Variants in DCC observed in about 807,000 individuals in gnomAD.
The protein encoded by DCC is netrin receptor DCC.
A neutral mutation model predicts 172.5 loss-of-function variants in DCC; 58 were observed. The ratio of observed to expected loss-of-function variants is 0.34; its 90% CI spans 0.27 to 0.42. The LOEUF is 0.42. Among genes scored for constraint, DCC ranks in the 10% least tolerant of loss-of-function variants. The pLI, the probability that DCC is intolerant of heterozygous loss-of-function variation, is 1.00. For missense variants in DCC, 1,740 were observed against 1,791.0 expected (o/e 0.97, Z 0.51); for synonymous variants, 709 against 644.5 (o/e 1.10, Z -1.52).
At chr18:53,277,193 G>A (rs1021694283) in intron 12 of DCC, among the ~76,000 whole-genome samples, 2 of 152,086 alleles carry the variant, frequency 1.3e-5, no homozygotes, top group Non-Finnish European at 2.9e-5. Flanking sequence ...AACAGGGCCA[G>A]GCACGATAGC....
chr18:53,041,645 A>T (rs2042170295), intron 5 of DCC, among the ~76,000 whole-genome samples: 1 of 152,084 alleles, frequency 6.6e-6, no homozygotes, highest in Non-Finnish European at 1.5e-5. Context: ...TCTATCCATG[A>T]GCATGGACTA....
At chr18:53,443,352 C>G (rs1235086261) in intron 22 of DCC, among the ~76,000 whole-genome samples, 1 of 152,148 alleles carries the variant, frequency 6.6e-6, no homozygotes, top group East Asian at 1.9e-4. Flanking sequence ...AATGGTGCAA[C>G]AAAGTCTGGT....
intron 14 of DCC, among the ~76,000 whole-genome samples, chr18:53,330,764 C>A (rs1271054999): frequency 6.6e-6 from 1 of 152,170 alleles, no homozygotes; most frequent in Admixed American, 6.5e-5. Context: ...ATATTTCACA[C>A]CTGCTTGTCC....
At chr18:52,445,661 G>C (rs2144504478) in intron 1 of DCC, among the ~76,000 whole-genome samples, 1 of 152,248 alleles carries the variant, frequency 6.6e-6, no homozygotes, top group East Asian at 1.9e-4. Flanking sequence ...TATGTAAGCT[G>C]GGGATTTTTC....
chr18:52,788,851 A>G (rs2037709404), intron 2 of DCC, among the ~76,000 whole-genome samples: 1 of 152,160 alleles, frequency 6.6e-6, no homozygotes, highest in African/African-American at 2.4e-5. Context: ...TGGATCCCCA[A>G]AAGGAGGGAG....
chr18:52,849,785 T>C (rs1275845770), intron 2 of DCC, among the ~76,000 whole-genome samples: 2 of 152,188 alleles, frequency 1.3e-5, no homozygotes, highest in Admixed American at 1.3e-4. Flanking sequence ...CATAGATTTC[T>C]TATGTACTAG....
At chr18:53,082,220 A>G (rs9949928) in intron 7 of DCC, among the ~76,000 whole-genome samples, 103,328 of 151,956 alleles carry the variant, frequency 0.68, 36,711 homozygotes, top group African/African-American at 0.87. Flanking sequence ...AAAAGAGAAA[A>G]CATTAAATAT....
At chr18:52,469,586 G>T (rs1343062869) in intron 1 of DCC, among the ~76,000 whole-genome samples, 2 of 152,158 alleles carry the variant, frequency 1.3e-5, no homozygotes, top group Non-Finnish European at 2.9e-5. Context: ...GATAATCACA[G>T]AAATAATTAC....
At chr18:52,701,964 G>A (rs1432590798) in intron 1 of DCC, among the ~76,000 whole-genome samples, 1 of 152,114 alleles carries the variant, frequency 6.6e-6, no homozygotes, top group Non-Finnish European at 1.5e-5. Flanking sequence ...AAACAACCTT[G>A]ATGTTACCAT....
intron 5 of DCC, among the ~76,000 whole-genome samples, chr18:52,932,101 T>C (rs926595708): frequency 1.3e-5 from 2 of 152,106 alleles, no homozygotes; most frequent in African/African-American, 4.8e-5. Flanking sequence ...TCTTGGAATA[T>C]TGTTGTCAAC....
intron 7 of DCC, among the ~76,000 whole-genome samples, chr18:53,137,488 TCTG>T (rs1266701680): frequency 2.0e-5 from 3 of 152,220 alleles, no homozygotes; most frequent in Non-Finnish European, 4.4e-5. Context: ...CTTCTTTCAG[TCTG>T]CTATGACATA....
At chr18:52,714,495 G>C (rs1272795279) in intron 1 of DCC, among the ~76,000 whole-genome samples, 1 of 152,110 alleles carries the variant, frequency 6.6e-6, no homozygotes, top group Non-Finnish European at 1.5e-5. Flanking sequence ...AAGAAACACA[G>C]AACATAGGTA....
intron 15 of DCC, among the ~76,000 whole-genome samples, chr18:53,376,274 C>T (rs756254358): frequency 5.9e-5 from 9 of 151,978 alleles, no homozygotes; most frequent in Non-Finnish European, 1.3e-4. Context: ...CTCCCAGCTA[C>T]TCGGGAGACT....
chr18:52,362,254 C>A (rs1984650561), intron 1 of DCC, among the ~76,000 whole-genome samples: 1 of 152,204 alleles, frequency 6.6e-6, no homozygotes, highest in African/African-American at 2.4e-5. Flanking sequence ...TATGTTAGCT[C>A]CATTTATCCA....
At chr18:52,537,737 A>T (rs1318089760) in intron 1 of DCC, among the ~76,000 whole-genome samples, 2 of 152,192 alleles carry the variant, frequency 1.3e-5, no homozygotes, top group Non-Finnish European at 2.9e-5. Context: ...ATGGCTCTTC[A>T]CTGTCTGTCA....
rs917188090 is a variant in DCC, at chr18:52,762,822, TA to T, written c.412+10456del. 2.6e-5 allele frequency among the ~76,000 whole-genome samples: 4 copies of T among 151,988 alleles called. No individual in the cohort carries two copies. The South Asian group carries it at 6.2e-4, about 24-fold the overall frequency. On this transcript the variant is annotated intron_variant, in intron 2 of 28. Transcript: ENST00000442544. ...TGGGCAACAGAGTGAGATCACAACT[TA>T]AAAAAAAGATGGTCATATATGTGGG...
At chr18:52,540,753 C>T (rs1465515161) in intron 1 of DCC, among the ~76,000 whole-genome samples, 2 of 151,676 alleles carry the variant, frequency 1.3e-5, no homozygotes, top group Admixed American at 6.6e-5. Context: ...ACTACAGGCG[C>T]CCGCCACCAC....
At chr18:52,936,053 G>C (rs577905847) in intron 5 of DCC, among the ~76,000 whole-genome samples, 1 of 149,856 alleles carries the variant, frequency 6.7e-6, no homozygotes, top group South Asian at 2.1e-4. Context: ...AATGAGTTAA[G>C]AGAGTTTTTG....
chr18:52,404,628 G>A (rs995800374), intron 1 of DCC, among the ~76,000 whole-genome samples: 12 of 151,640 alleles, frequency 7.9e-5, no homozygotes, highest in South Asian at 2.1e-4. Context: ...TTTGCAGCCC[G>A]AAGTTAAGAA....
Sources: allele counts gnomAD v4.1 joint callset (sites outside exome capture counted in the v4.1 genomes callset), GRCh38; gene constraint gnomAD v4.1.1; transcripts MANE v1.5; gene names NCBI Gene and HGNC (gene_info 2026-07-23, HGNC 2026-07-21).